The following ANK2 variants were observed in gnomAD, a reference collection of about 807,000 sequenced individuals.
ANK2 encodes the protein ankyrin-2.
A neutral mutation model predicts 360.5 loss-of-function variants in ANK2; 83 were observed. The observed-to-expected ratio is 0.23, with a 90% CI of 0.19 to 0.28. ANK2 has a LOEUF of 0.28. Among genes scored for constraint, ANK2 ranks in the 10% least tolerant of loss-of-function variants. ANK2 has a pLI of 1.00. For missense variants in ANK2, 4,201 were observed against 4,795.7 expected (o/e 0.88, Z 3.66); for synonymous variants, 1,740 against 1,759.5 (o/e 0.99, Z 0.28).
intron 1 of ANK2, among the ~76,000 whole-genome samples, chr4:113,162,291 A>G (rs1450435943): frequency 6.6e-6 from 1 of 151,796 alleles, no homozygotes; most frequent in Non-Finnish European, 1.5e-5. Flanking sequence ...CACATGCTAG[A>G]GTGGTAATTT....
intron 1 of ANK2, among the ~76,000 whole-genome samples, chr4:112,859,230 A>G (rs1416795171): frequency 6.6e-6 from 1 of 152,194 alleles, no homozygotes; most frequent in Admixed American, 6.5e-5. Context: ...ATGATGAATA[A>G]TATGTCTAGC....
intron 24 of ANK2, among the ~76,000 whole-genome samples, chr4:113,312,335 C>G (rs2080493418): frequency 1.3e-5 from 2 of 151,682 alleles, no homozygotes; most frequent in South Asian, 4.2e-4. Context: ...ATGTGTTCTG[C>G]TAATCAATAA....
At chr4:112,846,355 C>T (rs572282976) in intron 1 of ANK2, among the ~76,000 whole-genome samples, 13 of 152,244 alleles carry the variant, frequency 8.5e-5, no homozygotes, top group African/African-American at 2.9e-4. Context: ...AATCGATCTG[C>T]CCTGCTTAGC....
At chr4:112,806,489 T>C in the ANK2 span, among the ~76,000 whole-genome samples, 1 of 152,202 alleles carries the variant, frequency 6.6e-6, no homozygotes, top group Non-Finnish European at 1.5e-5. Flanking sequence ...ATCTTGGCTA[T>C]TGTGAACAGT....
In ANK2 at chr4:113,021,250, A is replaced by G. The variant is rs143217538; in HGVS notation, c.21+116736A>G. Among the ~76,000 whole-genome samples, 1,242 of 152,026 alleles carry G rather than the reference A, an allele frequency of 8.2e-3. 6 individuals are homozygous for G. Among genetic ancestry groups the G allele is most frequent in the Non-Finnish European group, 0.013 (855 of 67,960 alleles). On this transcript the variant is annotated intron_variant, in intron 2 of 30. Coordinates refer to the ANK2 transcript ENST00000503271. ...ACACAGAGAATTCAGAGTGCCCTGTACTCTTGGAACATAACATTTCTTCTC... is the reference window on the plus strand; with the variant it reads ...ACACAGAGAATTCAGAGTGCCCTGTGCTCTTGGAACATAACATTTCTTCTC...
At chr4:113,132,078 A>G (rs2096072712) in intron 1 of ANK2, among the ~76,000 whole-genome samples, 1 of 152,234 alleles carries the variant, frequency 6.6e-6, no homozygotes, top group Non-Finnish European at 1.5e-5. Context: ...GAAAAAATAG[A>G]AAACTATTCA....
At chr4:113,359,354 GT>G in intron 38 of ANK2, 55 bp downstream of exon 38, 2 of 1,603,258 alleles carry the variant, frequency 1.2e-6, no homozygotes, top group Non-Finnish European at 1.7e-6. Flanking sequence ...AATTGATATA[GT>G]TTTTTTGTAT....
chr4:112,989,117 AT>A (rs2045904285), intron 2 of ANK2, among the ~76,000 whole-genome samples: 1 of 152,210 alleles, frequency 6.6e-6, no homozygotes, highest in Admixed American at 6.5e-5. Context: ...CTGAGAAGCA[AT>A]TCAGAGGTAA....
chr4:112,788,333 A>G, the ANK2 span: 1 of 1,549,688 alleles, frequency 6.5e-7, no homozygotes, highest in Non-Finnish European at 8.8e-7. Context: ...CTTCCTCTTG[A>G]TAATGCACTA....
intron 2 of ANK2, among the ~76,000 whole-genome samples, chr4:113,190,361 C>T (rs757903801): frequency 2.6e-4 from 39 of 152,058 alleles, no homozygotes; most frequent in Non-Finnish European, 4.4e-4. Context: ...CCTCCCGCCT[C>T]GGCCTCCCAA....
intron 2 of ANK2, among the ~76,000 whole-genome samples, chr4:112,988,250 C>T (rs1366376742): frequency 1.3e-5 from 2 of 152,196 alleles, no homozygotes; most frequent in Admixed American, 1.3e-4. Context: ...AAACCCCTTG[C>T]TCTCTTGGCA....
intron 1 of ANK2, among the ~76,000 whole-genome samples, chr4:113,116,192 A>G (rs1379375820): frequency 1.3e-5 from 2 of 152,174 alleles, no homozygotes; most frequent in Non-Finnish European, 2.9e-5. Flanking sequence ...TTACTTCATC[A>G]CATTGCTTTT....
chr4:113,188,776 T>C (rs1584379227), intron 2 of ANK2, among the ~76,000 whole-genome samples: 1 of 152,304 alleles, frequency 6.6e-6, no homozygotes, highest in East Asian at 1.9e-4. Context: ...CCCTTGTATG[T>C]GTTAATGGTA....
the ANK2 span, among the ~76,000 whole-genome samples, chr4:112,792,803 A>T: frequency 2.6e-5 from 4 of 152,214 alleles, no homozygotes; most frequent in African/African-American, 9.6e-5. Context: ...TAGACCCCAA[A>T]GAAAGGAGAA....
intron 22 of ANK2, among the ~76,000 whole-genome samples, chr4:113,296,364 A>G (rs964083521): frequency 6.6e-6 from 1 of 152,172 alleles, no homozygotes; most frequent in African/African-American, 2.4e-5. Flanking sequence ...AATTAATAAA[A>G]GTTAATGTTA....
intron 42 of ANK2, among the ~76,000 whole-genome samples, chr4:113,368,445 A>G (rs1309656549): frequency 6.6e-6 from 1 of 152,206 alleles, no homozygotes; most frequent in Non-Finnish European, 1.5e-5. Context: ...GAGTTGGAAT[A>G]GAGTTGGGGT....
intron 1 of ANK2, chr4:112,826,959 C>T: frequency 1.3e-6 from 2 of 1,537,356 alleles, no homozygotes; most frequent in South Asian, 2.2e-5. Flanking sequence ...CACACTCATT[C>T]AGTCATGTAA....
chr4:112,995,160 A>G (rs990835043), intron 2 of ANK2, among the ~76,000 whole-genome samples: 1 of 152,078 alleles, frequency 6.6e-6, no homozygotes, highest in Non-Finnish European at 1.5e-5. Context: ...TGGTAATTCT[A>G]TTTTTCATTC....
At chr4:113,001,867 T>C (rs2050816473) in intron 2 of ANK2, among the ~76,000 whole-genome samples, 1 of 152,164 alleles carries the variant, frequency 6.6e-6, no homozygotes, top group Non-Finnish European at 1.5e-5. Context: ...CAGATGTGCA[T>C]TTCCATGTAG....
Sources: gnomAD v4.1 joint callset for allele counts (sites outside exome capture counted in the v4.1 genomes callset) on GRCh38, gnomAD v4.1.1 for gene constraint, MANE v1.5 for transcripts, NCBI Gene and HGNC (gene_info 2026-07-23, HGNC 2026-07-21) for gene names.